The following GATAD2A variants were observed in gnomAD, a reference collection of about 807,000 sequenced individuals.
GATAD2A encodes transcriptional repressor p66-alpha.
GATAD2A carries 12 observed loss-of-function variants against 68.5 expected under a neutral mutation model. That is an observed-to-expected ratio of 0.18 (90% CI 0.11 to 0.28). The LOEUF is 0.28. Ranked by LOEUF, GATAD2A falls within the 10% of genes least tolerant of loss-of-function variation. The probability of loss-of-function intolerance (pLI) is 1.00; values close to 1 mark genes in which losing one functional copy is unlikely to be tolerated. For missense variants in GATAD2A, 755 were observed against 868.5 expected (o/e 0.87, Z 1.64); for synonymous variants, 410 against 375.3 (o/e 1.09, Z -1.07).
At chr19:19,467,933 C>T (rs1467651112) in intron 2 of GATAD2A, among the ~76,000 whole-genome samples, 1 of 152,206 alleles carries the variant, frequency 6.6e-6, no homozygotes, top group Non-Finnish European at 1.5e-5. Flanking sequence ...TTTAACTCAG[C>T]AGTTTTTCTC....
intron 1 of GATAD2A, among the ~76,000 whole-genome samples, chr19:19,420,565 C>T (rs1309490914): frequency 6.6e-6 from 1 of 150,666 alleles, no homozygotes; most frequent in African/African-American, 2.5e-5. Context: ...TGATCTCGAT[C>T]TCCTGACCTC....
Position 19,502,485 on chromosome 19 carries a change from G to A in GATAD2A, c.1733G>A (p.Gly578Asp). Reference sequence around the variant, plus strand: ...GAGAGAACCGTGAGCGCCGGCAAGGGCAGCGCCACCTCCAACTGGAAGAAG... The same window carrying A: ...GAGAGAACCGTGAGCGCCGGCAAGGACAGCGCCACCTCCAACTGGAAGAAG... The part of the protein sequence containing the change: ...HSERTVSAGK[G>D]SATSNWKKTP... Residue 578 changes from glycine (G) to aspartate (D), a missense_variant, in exon 11 of 12, where the codon GGC becomes GAC. Coordinates refer to ENST00000683918, the MANE Select transcript of GATAD2A (RefSeq NM_001384528.1). The A allele has an allele frequency of 1.2e-6, 2 of 1,613,354 alleles. No homozygotes were observed. Among genetic ancestry groups the A allele is most frequent in the Admixed American group, 1.7e-5 (1 of 60,010 alleles).
At chr19:19,474,105 C>T in intron 2 of GATAD2A, 1 of 985,218 alleles carries the variant, frequency 1.0e-6, no homozygotes, top group Middle Eastern at 5.2e-4. Context: ...AAAATGGGGC[C>T]AGCTGGAAAA....
At chr19:19,390,899 G>A (rs540068658) in intron 1 of GATAD2A, among the ~76,000 whole-genome samples, 5 of 152,078 alleles carry the variant, frequency 3.3e-5, no homozygotes, top group African/African-American at 7.2e-5. Context: ...GCCATTTGAC[G>A]CCACACAATA....
chr19:19,420,275 G>C (rs1467139549), intron 1 of GATAD2A, among the ~76,000 whole-genome samples: 1 of 142,446 alleles, frequency 7.0e-6, no homozygotes, highest in Admixed American at 7.3e-5. Context: ...CGCCCGCCTC[G>C]GCCTCCCAAA....
At chr19:19,499,829 T>A (rs901567786) in intron 8 of GATAD2A, among the ~76,000 whole-genome samples, 4 of 151,854 alleles carry the variant, frequency 2.6e-5, no homozygotes, top group African/African-American at 9.7e-5. Flanking sequence ...CGAGACTAAC[T>A]GCAGCGTGCC....
At chr19:19,425,824 C>G (rs927737490) in intron 1 of GATAD2A, among the ~76,000 whole-genome samples, 1 of 150,956 alleles carries the variant, frequency 6.6e-6, no homozygotes, top group African/African-American at 2.4e-5. Flanking sequence ...AGGTCTGGCT[C>G]TGTCGCCCAG....
In GATAD2A at chr19:19,468,230, G is replaced by T. The variant is rs117352185; in HGVS notation, c.269+2616G>T. ...GGTAAAGAGGTTCTGTCCAGCCACT[G>T]TCAGCTTTGAGGACCAACAGCTTCG... On this transcript the variant is annotated intron_variant, in intron 2 of 11. Coordinates refer to ENST00000683918, the MANE Select transcript of GATAD2A (RefSeq NM_001384528.1). Among the ~76,000 whole-genome samples the T allele has an allele frequency of 4.8e-3, 729 of 152,340 alleles. 6 individuals carry two copies. Among genetic ancestry groups the T allele is most frequent in the South Asian group, 0.041 (197 of 4,832 alleles).
rs182684216 is a variant in GATAD2A at position 19,504,523 on chromosome 19, C to T, written c.1775-821C>T. Among the ~76,000 whole-genome samples the T allele has an allele frequency of 1.1e-4, 17 of 151,926 alleles. 1 individual carries two copies. The highest frequency in any genetic ancestry group is 2.2e-4 in the African/African-American group (9 of 41,452). On this transcript the variant is annotated intron_variant, in intron 11 of 11. Transcript: ENST00000683918. ...AAAATTTGAGCTGGGCACAGTGGCT[C>T]GTGCCTATAATCCCAGTGCTTTGAC... is the stretch of plus-strand genomic sequence containing the variant.
chr19:19,386,522 C>T (rs953363461), intron 1 of GATAD2A, among the ~76,000 whole-genome samples: 40 of 151,826 alleles, frequency 2.6e-4, no homozygotes, highest in African/African-American at 9.7e-4. Context: ...GGACCCTTGC[C>T]TCTCTAGGGG....
In GATAD2A at chr19:19,398,798, C is replaced by T. The variant is rs1280975944; in HGVS notation, c.-7+12660C>T. On this transcript the variant is annotated intron_variant, in intron 1 of 11. Coordinates refer to the GATAD2A transcript ENST00000360315. ...AAATTAGGCCAGGCGTGGTGGCTCA[C>T]GCCTGTAATCCCAGCACTTTGGGAG... Among the ~76,000 whole-genome samples the T allele has an allele frequency of 2.6e-5, 4 of 152,046 alleles. No homozygotes were observed. In the East Asian group the frequency reaches 5.9e-4, roughly 22 times the overall value.
chr19:19,408,237 A>G (rs1352660173), intron 1 of GATAD2A, among the ~76,000 whole-genome samples: 1 of 152,140 alleles, frequency 6.6e-6, no homozygotes, highest in Non-Finnish European at 1.5e-5. Context: ...TGCCCACCTC[A>G]GCCTCCCAAA....
upstream of GATAD2A, among the ~76,000 whole-genome samples, chr19:19,405,255 G>A (rs1376899357): frequency 1.3e-5 from 2 of 152,194 alleles, no homozygotes; most frequent in Admixed American, 6.5e-5. Context: ...AGACACCGGG[G>A]CCGAAGTTCC....
intron 8 of GATAD2A, among the ~76,000 whole-genome samples, 173 bp downstream of exon 8, chr19:19,498,895 C>T (rs988891267): frequency 1.3e-5 from 2 of 152,224 alleles, no homozygotes; most frequent in Non-Finnish European, 2.9e-5. Flanking sequence ...GGACACTGTC[C>T]TCCGGTTGGG....
At chr19:19,437,447 C>T (rs2054496824) in intron 1 of GATAD2A, among the ~76,000 whole-genome samples, 1 of 152,180 alleles carries the variant, frequency 6.6e-6, no homozygotes. Context: ...ATATAATTTG[C>T]ATACCATACA....
intron 1 of GATAD2A, among the ~76,000 whole-genome samples, chr19:19,462,569 T>TAGTGA (rs905656492): frequency 1.3e-5 from 2 of 152,206 alleles, no homozygotes; most frequent in African/African-American, 4.8e-5. Flanking sequence ...TTAGGCTTCA[T>TAGTGA]AGTGAGCTGC....
At chr19:19,463,779 G>T (rs749045089) in intron 1 of GATAD2A, among the ~76,000 whole-genome samples, 2 of 152,206 alleles carry the variant, frequency 1.3e-5, no homozygotes, top group African/African-American at 2.4e-5. Context: ...GCCTTGAGGA[G>T]ACCCCAGTGT....
At chr19:19,500,777 G>A (rs1410477480) in intron 8 of GATAD2A, among the ~76,000 whole-genome samples, 1 of 152,254 alleles carries the variant, frequency 6.6e-6, no homozygotes, top group Non-Finnish European at 1.5e-5. Context: ...AATGAACTGA[G>A]TACCTCAGCA....
chr19:19,437,151 A>G (rs1489377635), intron 1 of GATAD2A, among the ~76,000 whole-genome samples: 3 of 152,186 alleles, frequency 2.0e-5, no homozygotes, highest in Admixed American at 1.3e-4. Context: ...ATGTTTTGAG[A>G]CAGGGTCTCA....
Sources: allele counts gnomAD v4.1 joint callset (sites outside exome capture counted in the v4.1 genomes callset), GRCh38; gene constraint gnomAD v4.1.1; transcripts MANE v1.5; gene names NCBI Gene and HGNC (gene_info 2026-07-23, HGNC 2026-07-21).